STYK1: variants seen among roughly 807,000 people sequenced by gnomAD.
The protein encoded by STYK1 is tyrosine-protein kinase STYK1.
STYK1 carries 46 observed loss-of-function variants against 48.1 expected under a neutral mutation model. The observed-to-expected ratio is 0.96, with a 90% CI of 0.75 to 1.22. The LOEUF (loss-of-function observed/expected upper bound fraction) is 1.22, where lower values mean the gene tolerates loss of function less well. Ranked by LOEUF, STYK1 falls within the 50% of genes most tolerant of loss-of-function variation. The pLI, the probability that STYK1 is intolerant of heterozygous loss-of-function variation, is 0.00. For synonymous variants in STYK1, 188 were observed against 189.0 expected (o/e 0.99, Z 0.04); for missense variants, 527 against 521.1 (o/e 1.01, Z -0.11).
intron 1 of STYK1, among the ~76,000 whole-genome samples, chr12:10,649,854 G>A (rs902843792): frequency 4.6e-5 from 7 of 152,024 alleles, no homozygotes; most frequent in East Asian, 3.9e-4. Flanking sequence ...GGTTCACGCC[G>A]GTAATCCCAG....
At chr12:10,630,337 G>T (rs1947411115) in intron 5 of STYK1, among the ~76,000 whole-genome samples, 2 of 132,032 alleles carry the variant, frequency 1.5e-5, no homozygotes, top group Admixed American at 9.2e-5. Flanking sequence ...AGGGAGCCCA[G>T]ATGGCACCAT....
intron 1 of STYK1, among the ~76,000 whole-genome samples, chr12:10,667,033 T>C (rs888465829): frequency 6.6e-6 from 1 of 152,232 alleles, no homozygotes; most frequent in African/African-American, 2.4e-5. Flanking sequence ...TTACTAGAAT[T>C]CTAACTTAGC....
Position 10,619,461 on chromosome 12 carries a change from G to A in STYK1, c.*683C>T, listed in dbSNP as rs1591670602. The stretch of plus-strand genomic sequence containing the variant: ...GAAGCTAGCTTAATGAACAATACAT[G>A]TTGAATGTTCTTAATCATGAAATGA... On this transcript the variant is annotated 3_prime_UTR_variant, in exon 11 of 11. Transcript: ENST00000075503. 6.6e-6 allele frequency: 1 copy of A among 152,168 alleles called. No individual in the cohort carries two copies. The highest frequency in any genetic ancestry group is 1.9e-4 in the East Asian group (1 of 5,190). 9.4% of individuals were successfully genotyped at this position (152,168 alleles called of 1,614,324 possible).
At chr12:10,667,981 C>T (rs910863507) in intron 1 of STYK1, among the ~76,000 whole-genome samples, 23 of 152,162 alleles carry the variant, frequency 1.5e-4, no homozygotes, top group African/African-American at 4.3e-4. Context: ...TTTAAGCCAA[C>T]GGATGGATAG....
chr12:10,668,658 G>A (rs1230663044), intron 1 of STYK1, among the ~76,000 whole-genome samples: 1 of 146,188 alleles, frequency 6.8e-6, no homozygotes, highest in Non-Finnish European at 1.5e-5. Context: ...GCCTCCCAAA[G>A]TGTTGGGATT....
At chr12:10,624,239 G>C (rs997673000) in intron 8 of STYK1, among the ~76,000 whole-genome samples, 2 of 150,768 alleles carry the variant, frequency 1.3e-5, no homozygotes, top group African/African-American at 4.9e-5. Flanking sequence ...TAGGCAACAT[G>C]GTGAACCTTG....
chr12:10,659,700 A>G (rs1302583500), intron 1 of STYK1, among the ~76,000 whole-genome samples: 1 of 152,236 alleles, frequency 6.6e-6, no homozygotes, highest in East Asian at 1.9e-4. Flanking sequence ...GAAATTACTT[A>G]TGGAATAAAG....
chr12:10,670,922 C>T (rs1947884358), intron 1 of STYK1, among the ~76,000 whole-genome samples: 1 of 149,158 alleles, frequency 6.7e-6, no homozygotes, highest in Non-Finnish European at 1.5e-5. Context: ...TGGGAAAGCT[C>T]AGGTACAGTA....
At chr12:10,664,504 A>G (rs1479370880) in intron 1 of STYK1, among the ~76,000 whole-genome samples, 1 of 152,168 alleles carries the variant, frequency 6.6e-6, no homozygotes, top group Non-Finnish European at 1.5e-5. Flanking sequence ...TTCTATGCCA[A>G]GGATCAATGA....
intron 1 of STYK1, among the ~76,000 whole-genome samples, chr12:10,644,761 T>C (rs1489721744): frequency 6.6e-6 from 1 of 151,916 alleles, no homozygotes; most frequent in Admixed American, 6.6e-5. Context: ...AGATGATGAG[T>C]TGTTCTGGAC....
intron 1 of STYK1, among the ~76,000 whole-genome samples, chr12:10,649,957 C>CA (rs1452336902): frequency 6.6e-6 from 1 of 151,168 alleles, no homozygotes; most frequent in Non-Finnish European, 1.5e-5. Flanking sequence ...CTAAAAAATA[C>CA]AAAAAAATTA....
chr12:10,669,168 G>T (rs1414586508), intron 1 of STYK1, among the ~76,000 whole-genome samples: 1 of 152,116 alleles, frequency 6.6e-6, no homozygotes, highest in African/African-American at 2.4e-5. Context: ...TATGAAAATA[G>T]CATTGGATCT....
intron 1 of STYK1, among the ~76,000 whole-genome samples, chr12:10,671,648 A>G (rs1246142177): frequency 6.6e-6 from 1 of 152,202 alleles, no homozygotes; most frequent in African/African-American, 2.4e-5. Context: ...CAGAACTGTA[A>G]GATAAAACTT....
At chr12:10,626,462 C>G (rs1297964544) in intron 7 of STYK1, among the ~76,000 whole-genome samples, 1 of 152,156 alleles carries the variant, frequency 6.6e-6, no homozygotes, top group Non-Finnish European at 1.5e-5. Flanking sequence ...TCTTTACCCA[C>G]CTTAATCCTT....
At chr12:10,660,433 C>T (rs918610520) in intron 1 of STYK1, among the ~76,000 whole-genome samples, 1 of 152,122 alleles carries the variant, frequency 6.6e-6, no homozygotes, top group South Asian at 2.1e-4. Flanking sequence ...CTCTACAACC[C>T]TTAGGATTAA....
chr12:10,627,665 G>C lies in STYK1; in HGVS notation c.693C>G (p.Ile231Met), dbSNP rs151245563. 1.6e-4 allele frequency: 265 copies of C among 1,613,536 alleles called. No individual in the cohort carries two copies. The highest frequency in any genetic ancestry group is 2.1e-4 in the Non-Finnish European group (253 of 1,179,838). Residue 231 changes from isoleucine to methionine, a missense_variant, in exon 7 of 11, where the codon ATC (isoleucine) becomes ATG (methionine). By Grantham distance (10) the Ile-to-Met change is conservative. Transcript: ENST00000075503. Reference sequence around the variant, plus strand: ...CCAGCGCCAAAAGGACCTGCTTTCCGATGTGATATACTTGTTTTTCTGTGA... The same window carrying C: ...CCAGCGCCAAAAGGACCTGCTTTCCCATGTGATATACTTGTTTTTCTGTGA... ...YDLTEKQVYH[I>M]GKQVLLALEF...
At chr12:10,642,342 C>T (rs186497584) in intron 1 of STYK1, among the ~76,000 whole-genome samples, 9 of 152,266 alleles carry the variant, frequency 5.9e-5, no homozygotes, top group East Asian at 3.9e-4. Flanking sequence ...CTTTGTATAA[C>T]GTATTTTAAC....
chr12:10,651,389 A>T (rs751142584), intron 1 of STYK1, among the ~76,000 whole-genome samples: 8 of 152,142 alleles, frequency 5.3e-5, no homozygotes, highest in Non-Finnish European at 1.0e-4. Context: ...CTACTGTTAT[A>T]ATTAGTTTTG....
intron 1 of STYK1, among the ~76,000 whole-genome samples, chr12:10,671,848 G>A (rs1018991627): frequency 4.6e-5 from 7 of 151,992 alleles, no homozygotes; most frequent in Non-Finnish European, 1.0e-4. Flanking sequence ...AGAGAAAACT[G>A]AAATACATGC....
Sources: gnomAD v4.1 joint callset for allele counts (sites outside exome capture counted in the v4.1 genomes callset) on GRCh38, gnomAD v4.1.1 for gene constraint, MANE v1.5 for transcripts, NCBI Gene and HGNC (gene_info 2026-07-23, HGNC 2026-07-21) for gene names.